The following IL1RAPL2 variants were observed in gnomAD, a reference collection of about 807,000 sequenced individuals.
IL1RAPL2 encodes interleukin 1 receptor accessory protein like 2, also known as X-linked interleukin-1 receptor accessory protein-like 2.
A neutral mutation model predicts 44.1 loss-of-function variants in IL1RAPL2; 3 were observed. That is an observed-to-expected ratio of 0.07 (90% CI 0.03 to 0.18). IL1RAPL2 has a LOEUF of 0.18. IL1RAPL2 is among the 10% of genes least tolerant of loss of function. IL1RAPL2 has a pLI of 1.00. For missense variants in IL1RAPL2, 391 were observed against 496.4 expected, an observed-to-expected ratio of 0.79 and a Z score of 2.02; for synonymous variants, 181 against 178.8, an observed-to-expected ratio of 1.01 and a Z score of -0.10.
intron 2 of IL1RAPL2, among the ~76,000 whole-genome samples, chrX:104,769,492 G>A (rs147382132): frequency 0.02 from 2,222 of 112,274 alleles, 31 homozygotes; most frequent in Admixed American, 0.042. Flanking sequence ...TTTAATGAAT[G>A]TAAAAGAATA....
chrX:104,855,681 G>GTGTTTTTTTTTTTTTTTTTTTTTTTTTT lies in IL1RAPL2; in HGVS notation c.82+196687_82+196688insGTTTTTTTTTTTTTTTTTTTTTTTTTTT. On this transcript the variant is annotated intron_variant, in intron 2 of 10. Coordinates refer to ENST00000372582, the MANE Select transcript of IL1RAPL2 (RefSeq NM_017416.2). ...TTAACTGTGCTAAGGATCTGGATCC[G>GTGTTTTTTTTTTTTTTTTTTTTTTTTTT]TTTTTTTTTTTTTTTTTACTGTATC... is the stretch of plus-strand genomic sequence containing the variant. Among the ~76,000 whole-genome samples the GTGTTTTTTTTTTTTTTTTTTTTTTTTTT allele has an allele frequency of 3.9e-4, 21 of 53,861 alleles. 3 individuals carry two copies. The highest frequency in any genetic ancestry group is 5.9e-4 in the East Asian group (1 of 1,703). The allele number at this position is 53,861 out of a possible 115,157, so 46.8% of individuals were successfully genotyped here.
chrX:105,408,237 A>T (rs1287437785), intron 5 of IL1RAPL2, among the ~76,000 whole-genome samples: 1 of 112,006 alleles, frequency 8.9e-6, no homozygotes, highest in African/African-American at 3.3e-5. Context: ...TTTTACTTAT[A>T]TTTTTTGTGT....
intron 3 of IL1RAPL2, among the ~76,000 whole-genome samples, chrX:105,205,861 G>A (rs1033903897): frequency 3.6e-5 from 4 of 110,264 alleles, no homozygotes; most frequent in East Asian, 5.7e-4. Flanking sequence ...GTTGCCTGGC[G>A]AGAATGGACT....
chrX:105,019,977 G>T (rs1365881792), intron 2 of IL1RAPL2, among the ~76,000 whole-genome samples: 5 of 110,475 alleles, frequency 4.5e-5, no homozygotes, highest in Non-Finnish European at 7.6e-5. Context: ...TGCAATGTGT[G>T]GCCCTAGGAA....
chrX:105,067,082 G>C (rs1362240972), intron 2 of IL1RAPL2, among the ~76,000 whole-genome samples: 1 of 111,832 alleles, frequency 8.9e-6, no homozygotes, highest in Non-Finnish European at 1.9e-5. Context: ...TTGTTGTTTT[G>C]CAAGTTCCGC....
intron 5 of IL1RAPL2, among the ~76,000 whole-genome samples, chrX:105,395,919 GCT>G (rs1052535249): frequency 8.9e-6 from 1 of 112,001 alleles, no homozygotes; most frequent in African/African-American, 3.2e-5. Flanking sequence ...TTGATGCCCA[GCT>G]CTCTGTTTTA....
At chrX:105,283,812 A>G (rs1254668005) in intron 5 of IL1RAPL2, among the ~76,000 whole-genome samples, 2 of 111,145 alleles carry the variant, frequency 1.8e-5, no homozygotes, top group Non-Finnish European at 3.8e-5. Context: ...GAGCTGCAAT[A>G]AAGTACTAAA....
At chrX:105,077,010 G>C (rs1246138428) in intron 2 of IL1RAPL2, among the ~76,000 whole-genome samples, 1 of 111,143 alleles carries the variant, frequency 9.0e-6, no homozygotes, top group African/African-American at 3.3e-5. Flanking sequence ...TTGCCAGTCT[G>C]TGCCTTTTAA....
intron 8 of IL1RAPL2, among the ~76,000 whole-genome samples, chrX:105,744,129 C>G (rs776603386): frequency 1.8e-5 from 2 of 112,083 alleles, no homozygotes; most frequent in Admixed American, 1.9e-4. Flanking sequence ...TCAAGTGAAG[C>G]TGAAAGACTG....
At chrX:105,467,808 T>C (rs1170120040) in intron 5 of IL1RAPL2, among the ~76,000 whole-genome samples, 1 of 111,543 alleles carries the variant, frequency 9.0e-6, no homozygotes, top group African/African-American at 3.3e-5. Flanking sequence ...GGGGGCATTG[T>C]AATAGGGAAA....
chrX:105,315,632 C>T (rs2034834530), intron 5 of IL1RAPL2, among the ~76,000 whole-genome samples: 1 of 55,469 alleles, frequency 1.8e-5, no homozygotes. Flanking sequence ...TACAAGATCA[C>T]AAGGTCCCAC....
rs774211942 is a variant in IL1RAPL2 at position 105,735,592 on chromosome X, T to C, written c.903-4954T>C. Among the ~76,000 whole-genome samples the C allele has an allele frequency of 2.7e-5, 3 of 111,506 alleles. No individual in the cohort carries two copies. The East Asian group carries it at 8.6e-4, about 32-fold the overall frequency. On this transcript the variant is annotated intron_variant, in intron 7 of 10. Transcript: ENST00000372582. The stretch of plus-strand genomic sequence containing the variant: ...TATTCTGGAAAACCCTCCCTTCTTT[T>C]CATTTAGTGAGAATTTTCTTAAGCA...
intron 5 of IL1RAPL2, among the ~76,000 whole-genome samples, chrX:105,367,991 T>A (rs1303106248): frequency 9.0e-6 from 1 of 110,740 alleles, no homozygotes; most frequent in Non-Finnish European, 1.9e-5. Context: ...TCCCCTTCAT[T>A]TTTGAAGGAC....
rs201949912 is a variant in IL1RAPL2 at position 105,369,050 on chromosome X, GT to G, written c.697+101511del. 5.0e-3 allele frequency among the ~76,000 whole-genome samples: 548 copies of G among 109,529 alleles called. 5 individuals carry two copies. Among genetic ancestry groups the G allele is most frequent in the African/African-American group, 0.016 (497 of 30,236 alleles). On this transcript the variant is annotated intron_variant, in intron 5 of 10. Transcript: ENST00000372582. ...ACTTTTTAATATTTTCTGTCACTTTGTTAAAGTTCTCAATTTGATCATGCAT... is the reference window on the plus strand; with the variant it reads ...ACTTTTTAATATTTTCTGTCACTTTGTAAAGTTCTCAATTTGATCATGCAT...
At chrX:104,665,340 C>G (rs1313071270) in intron 2 of IL1RAPL2, among the ~76,000 whole-genome samples, 1 of 110,351 alleles carries the variant, frequency 9.1e-6, no homozygotes, top group African/African-American at 3.3e-5. Flanking sequence ...TTTAGTTCCA[C>G]TTGTTTCATA....
At chrX:104,925,571 A>G (rs946941907) in intron 2 of IL1RAPL2, among the ~76,000 whole-genome samples, 2 of 112,515 alleles carry the variant, frequency 1.8e-5, no homozygotes, top group Non-Finnish European at 3.8e-5. Context: ...AATGTGATTC[A>G]TCACATAAAC....
In IL1RAPL2 at chrX:105,255,159, C is replaced by T. The variant is rs2034304203; in HGVS notation, c.544-12229C>T. Among the ~76,000 whole-genome samples the T allele has an allele frequency of 6.3e-5, 7 of 111,601 alleles. No homozygotes were observed. In the Admixed American group the frequency reaches 6.7e-4, roughly 11 times the overall value. On this transcript the variant is annotated intron_variant, in intron 4 of 10. Transcript: ENST00000372582. ...TAGTAGGGCTATAATAATATTGATT[C>T]TTCCTATCCATAAGCATGGGATGTT...
intron 5 of IL1RAPL2, among the ~76,000 whole-genome samples, chrX:105,296,357 A>G (rs1452903914): frequency 1.8e-5 from 2 of 111,529 alleles, no homozygotes; most frequent in African/African-American, 6.5e-5. Context: ...CCTCCTCTGG[A>G]CCCACATAAT....
At chrX:105,391,348 A>C (rs768997646) in intron 5 of IL1RAPL2, among the ~76,000 whole-genome samples, 140 of 110,743 alleles carry the variant, frequency 1.3e-3, no homozygotes, top group African/African-American at 4.2e-3. Flanking sequence ...ATGAACAGAC[A>C]CTTCTCAAAA....
Sources: gnomAD v4.1 joint callset for allele counts (sites outside exome capture counted in the v4.1 genomes callset) on GRCh38, gnomAD v4.1.1 for gene constraint, MANE v1.5 for transcripts, NCBI Gene and HGNC (gene_info 2026-07-23, HGNC 2026-07-21) for gene names.